Variants in EDN1 observed in about 807,000 individuals in gnomAD.
The protein encoded by EDN1 is endothelin-1.
In EDN1, 11 loss-of-function variants were observed where a neutral mutation model predicts 21.7. The observed-to-expected ratio is 0.51, with a 90% confidence interval of 0.32 to 0.84. The LOEUF (loss-of-function observed/expected upper bound fraction) is 0.84, where lower values mean the gene tolerates loss of function less well. Ranked by LOEUF, EDN1 falls within the 40% of genes least tolerant of loss-of-function variation. The pLI, the probability that EDN1 is intolerant of heterozygous loss-of-function variation, is 0.03. For missense variants in EDN1, 244 were observed against 262.3 expected (o/e 0.93, Z 0.48); for synonymous variants, 85 against 90.6 (o/e 0.94, Z 0.35).
chr6:12,259,357 AAAGT>A, the EDN1 span, among the ~76,000 whole-genome samples: 2 of 151,334 alleles, frequency 1.3e-5, no homozygotes, highest in East Asian at 1.9e-4. Flanking sequence ...ATAGAGATTT[AAAGT>A]AAGATTTAAA....
the EDN1 span, among the ~76,000 whole-genome samples, chr6:12,265,944 T>A: frequency 6.6e-6 from 1 of 152,220 alleles, no homozygotes; most frequent in African/African-American, 2.4e-5. Context: ...AACCCTTCCC[T>A]TATTTCCCAA....
the EDN1 span, among the ~76,000 whole-genome samples, chr6:12,272,241 AC>A: frequency 5.9e-5 from 9 of 152,168 alleles, no homozygotes; most frequent in African/African-American, 1.9e-4. Flanking sequence ...TTAGAAGAGA[AC>A]ACAGAAACCA....
chr6:12,284,452 C>CAGTG, the EDN1 span, among the ~76,000 whole-genome samples: 5 of 151,230 alleles, frequency 3.3e-5, no homozygotes, highest in Non-Finnish European at 7.4e-5. Flanking sequence ...GTCCAGGTTG[C>CAGTG]AGTGAGCCGT....
the EDN1 span, among the ~76,000 whole-genome samples, chr6:12,280,026 T>G: frequency 6.6e-5 from 10 of 152,154 alleles, no homozygotes; most frequent in Non-Finnish European, 1.3e-4. Flanking sequence ...GGGAGAAGTT[T>G]TATTAGAGTT....
At chr6:12,254,542 T>C in the EDN1 span, among the ~76,000 whole-genome samples, 3 of 152,120 alleles carry the variant, frequency 2.0e-5, no homozygotes, top group Non-Finnish European at 4.4e-5. Flanking sequence ...AGGACAAAGA[T>C]CTATCCAGAA....
At chr6:12,231,738 A>AT in the EDN1 span, among the ~76,000 whole-genome samples, 37,484 of 150,162 alleles carry the variant, frequency 0.25, 5,034 homozygotes, top group Non-Finnish European at 0.32. Context: ...TTCTTGTCTG[A>AT]TTTTTTTTTT....
chr6:12,291,027 T>C (rs1384524098), intron 1 of EDN1, among the ~76,000 whole-genome samples: 2 of 152,208 alleles, frequency 1.3e-5, no homozygotes, highest in Non-Finnish European at 2.9e-5. Context: ...GTTTGTAATA[T>C]ATGTGTTTAT....
At chr6:12,283,084 CA>C in the EDN1 span, among the ~76,000 whole-genome samples, 1 of 152,006 alleles carries the variant, frequency 6.6e-6, no homozygotes, top group Admixed American at 6.6e-5. Context: ...GTGCAAAAGC[CA>C]AATCAAACAA....
intron 4 of EDN1, 94 bp downstream of exon 4, chr6:12,294,498 A>G: frequency 6.8e-7 from 1 of 1,477,540 alleles, no homozygotes; most frequent in Non-Finnish European, 9.4e-7. Context: ...AGCCCTTCTT[A>G]CCCGGGCAGG....
chr6:12,245,777 G>A, the EDN1 span, among the ~76,000 whole-genome samples: 1 of 152,184 alleles, frequency 6.6e-6, no homozygotes, highest in African/African-American at 2.4e-5. Context: ...GTGAGTGAGT[G>A]GGGTGATTAT....
intron 4 of EDN1, among the ~76,000 whole-genome samples, chr6:12,295,369 C>A (rs765514240): frequency 6.6e-6 from 1 of 152,002 alleles, no homozygotes; most frequent in Non-Finnish European, 1.5e-5. Flanking sequence ...ATGCTCCCCA[C>A]GAGATCAGTT....
At chr6:12,251,497 C>A in the EDN1 span, among the ~76,000 whole-genome samples, 2 of 152,188 alleles carry the variant, frequency 1.3e-5, no homozygotes, top group Admixed American at 1.3e-4. Context: ...TCTTAGGTGA[C>A]CCTGATAGAA....
the EDN1 span, among the ~76,000 whole-genome samples, chr6:12,281,005 A>G: frequency 2.3e-4 from 35 of 152,342 alleles, no homozygotes; most frequent in African/African-American, 8.4e-4. Flanking sequence ...TCTTTTTAAG[A>G]TACTTGCAAA....
At chr6:12,276,345 C>T in the EDN1 span, among the ~76,000 whole-genome samples, 83 of 152,180 alleles carry the variant, frequency 5.5e-4, 2 homozygotes, top group African/African-American at 1.9e-3. Flanking sequence ...CTGGGAACTC[C>T]ACGTATGCTA....
the EDN1 span, among the ~76,000 whole-genome samples, chr6:12,281,597 T>G: frequency 2.7e-4 from 41 of 151,396 alleles, no homozygotes; most frequent in Non-Finnish European, 5.6e-4. Flanking sequence ...CATTAGTTTC[T>G]GTTGAGTTGG....
rs961360665 is a variant in EDN1 at position 12,291,226 on chromosome 6, C to G, written c.64+533C>G. ...TTGACTAACTACCGCCTCCCCCCCC[C>G]CCCGCCACCACCCCCCGCAGGCGGT... On this transcript the variant is annotated intron_variant, in intron 1 of 4. Coordinates refer to ENST00000379375, the MANE Select transcript of EDN1 (RefSeq NM_001955.5). Among the ~76,000 whole-genome samples the G allele has an allele frequency of 4.6e-3, 483 of 105,432 alleles. 15 individuals are homozygous for G. Among genetic ancestry groups the G allele is most frequent in the African/African-American group, 0.012 (421 of 34,888 alleles). 69.2% of individuals were successfully genotyped at this position (105,432 alleles called of 152,430 possible). A position where few individuals can be genotyped will look rare whatever the true frequency, so the allele number is the denominator to read the frequency against.
At chr6:12,287,704 TCTCTCTCTCACACACACA>T (rs1467690857), upstream of EDN1, among the ~76,000 whole-genome samples, 5 of 77,112 alleles carry the variant, frequency 6.5e-5, no homozygotes, top group Non-Finnish European at 1.2e-4. Context: ...TCTCTCTCTC[TCTCTCTCTCACACACACA>T]CACACACACA....
the EDN1 span, among the ~76,000 whole-genome samples, chr6:12,246,875 A>G: frequency 1.3e-5 from 2 of 152,192 alleles, no homozygotes; most frequent in Non-Finnish European, 2.9e-5. Context: ...AATAATCTGT[A>G]TATTGATTGC....
chr6:12,232,387 C>T, the EDN1 span, among the ~76,000 whole-genome samples: 4 of 151,154 alleles, frequency 2.6e-5, no homozygotes, highest in East Asian at 7.7e-4. Flanking sequence ...AATAAAATGT[C>T]CAGTATCAAA....
Sources: gnomAD v4.1 joint callset for allele counts (sites outside exome capture counted in the v4.1 genomes callset) on GRCh38, gnomAD v4.1.1 for gene constraint, MANE v1.5 for transcripts, NCBI Gene and HGNC (gene_info 2026-07-23, HGNC 2026-07-21) for gene names.